Variants in DMD observed in about 807,000 individuals in gnomAD.
The protein encoded by DMD is dystrophin.
A neutral mutation model predicts 330.1 loss-of-function variants in DMD; 63 were observed. The observed-to-expected ratio is 0.19, with a 90% confidence interval of 0.16 to 0.24. DMD has a LOEUF of 0.24. Among genes scored for constraint, DMD ranks in the 10% least tolerant of loss-of-function variants. The pLI is 1.00. For synonymous variants in DMD, 1,223 were observed against 959.8 expected (o/e 1.27, Z -5.07); for missense variants, 3,344 against 2,684.1 (o/e 1.25, Z -5.43).
At chrX:33,108,881 A>AAAAAAAAAAAAG (rs1201118214) in intron 1 of DMD, among the ~76,000 whole-genome samples, 1 of 99,689 alleles carries the variant, frequency 1.0e-5, no homozygotes, top group African/African-American at 3.5e-5. Flanking sequence ...AAAAAAAAAA[A>AAAAAAAAAAAAG]AAGAAGAAGA....
At position 31,975,663 on chromosome X, in the gene DMD, C is replaced by T. The variant is rs376108849; in HGVS notation, c.6439-7149G>A. On this transcript the variant is annotated intron_variant, in intron 44 of 78. Coordinates refer to ENST00000357033, the MANE Select transcript of DMD (RefSeq NM_004006.3). ...ATGTTTCATCGTGGAACATATTGCA[C>T]GTAACTCAAAAAACACTGTCTCAGG... Among the ~76,000 whole-genome samples, 15 of 111,733 alleles carry T rather than the reference C, an allele frequency of 1.3e-4. No individual in the cohort carries two copies. The East Asian group carries it at 3.4e-3, about 25-fold the overall frequency.
At chrX:31,159,932 G>C (rs2038612127) in intron 74 of DMD, among the ~76,000 whole-genome samples, 1 of 112,353 alleles carries the variant, frequency 8.9e-6, no homozygotes. Context: ...TGAGATGAAA[G>C]CTATACCTGC....
intron 2 of DMD, among the ~76,000 whole-genome samples, chrX:32,866,821 T>C (rs891770703): frequency 1.2e-4 from 13 of 107,624 alleles, no homozygotes; most frequent in African/African-American, 4.4e-4. Flanking sequence ...GCAACCTCCG[T>C]CTCCCAGTGT....
intron 47 of DMD, among the ~76,000 whole-genome samples, chrX:31,917,930 C>T (rs1052036734): frequency 8.9e-6 from 1 of 111,911 alleles, no homozygotes; most frequent in African/African-American, 3.3e-5. Flanking sequence ...TGTGAGGAAA[C>T]CAGAGTACTA....
intron 60 of DMD, among the ~76,000 whole-genome samples, chrX:31,371,670 G>C (rs967492999): frequency 9.9e-5 from 11 of 111,303 alleles, no homozygotes; most frequent in Non-Finnish European, 2.1e-4. Flanking sequence ...GCAAATAGCA[G>C]GAAAAACTGT....
chrX:33,099,703 T>C (rs2095217799), intron 1 of DMD, among the ~76,000 whole-genome samples: 2 of 112,084 alleles, frequency 1.8e-5, no homozygotes, highest in South Asian at 7.3e-4. Flanking sequence ...ATGTCGAGAT[T>C]AAGATATTTA....
chrX:31,656,257 A>G (rs1405342024), intron 54 of DMD, among the ~76,000 whole-genome samples: 1 of 112,615 alleles, frequency 8.9e-6, no homozygotes, highest in African/African-American at 3.2e-5. Flanking sequence ...GGAAGTAAGT[A>G]TATGCATTCC....
intron 63 of DMD, among the ~76,000 whole-genome samples, chrX:31,247,089 A>AT (rs1469380597): frequency 8.9e-6 from 1 of 111,841 alleles, no homozygotes; most frequent in African/African-American, 3.3e-5. Flanking sequence ...CTTTCAAAAT[A>AT]TAACTGCTCA....
In DMD at chrX:33,211,505, A is replaced by T. The variant is rs916655740; in HGVS notation, c.-193T>A. The T allele has an allele frequency of 1.8e-6, 2 of 1,088,794 alleles. No individual in the cohort carries two copies. Among genetic ancestry groups the T allele is most frequent in the African/African-American group, 3.8e-5 (2 of 52,782 alleles). The allele number at this position is 1,088,794 out of a possible 1,213,427, so 89.7% of individuals were successfully genotyped here. The stretch of plus-strand genomic sequence containing the variant: ...TCCCAGATCTGAGTCCTGTAGGGGG[A>T]AAGTGAGTGATCCCAACACTGAGTG... On this transcript the variant is annotated 5_prime_UTR_variant, in exon 1 of 79. Coordinates refer to ENST00000357033, the MANE Select transcript of DMD (RefSeq NM_004006.3).
rs1017095349 is a variant in DMD at position 33,046,065 on chromosome X, T to A, written c.32-25865A>T. On this transcript the variant is annotated intron_variant, in intron 1 of 78. Coordinates refer to ENST00000357033, the MANE Select transcript of DMD (RefSeq NM_004006.3). ...CCCACAGACCACATTGGATGTCACATCTCTGTGTGTCCTTGACCTAGAATC... is the reference window on the plus strand; with the variant it reads ...CCCACAGACCACATTGGATGTCACAACTCTGTGTGTCCTTGACCTAGAATC... Among the ~76,000 whole-genome samples, 4 of 111,464 alleles carry A rather than the reference T, an allele frequency of 3.6e-5. No individual in the cohort carries two copies. The Admixed American group carries it at 3.8e-4, about 11-fold the overall frequency.
At chrX:33,331,267 C>T (rs944006767) in intron 1 of DMD, among the ~76,000 whole-genome samples, 1 of 111,684 alleles carries the variant, frequency 9.0e-6, no homozygotes, top group Non-Finnish European at 1.9e-5. Flanking sequence ...TTCCTACTCA[C>T]TAATGTGTCC....
intron 21 of DMD, among the ~76,000 whole-genome samples, chrX:32,474,194 TATAC>T (rs1289516020): frequency 1.6e-3 from 68 of 42,073 alleles, no homozygotes; most frequent in African/African-American, 4.1e-3. Context: ...TTCCATCATA[TATAC>T]ATACATACAT....
intron 7 of DMD, among the ~76,000 whole-genome samples, chrX:32,765,075 A>G (rs2072806042): frequency 9.2e-6 from 1 of 109,259 alleles, no homozygotes; most frequent in South Asian, 4.0e-4. Context: ...TTATCTACTC[A>G]TGGTCTTACT....
In DMD at chrX:32,552,572, G is replaced by T. The variant is rs146642946; in HGVS notation, c.1993-7238C>A. Among the ~76,000 whole-genome samples, 758 of 111,692 alleles carry T rather than the reference G, an allele frequency of 6.8e-3. 8 individuals are homozygous for T. The highest frequency in any genetic ancestry group is 0.023 in the African/African-American group (711 of 30,767). On this transcript the variant is annotated intron_variant, in intron 16 of 78. Transcript: ENST00000357033. ...GAAACAAAAACAAAAATTGAAAACTGGGACCTAATTAAACTAAAGAACTTC... is the reference window on the plus strand; with the variant it reads ...GAAACAAAAACAAAAATTGAAAACTTGGACCTAATTAAACTAAAGAACTTC...
Position 32,190,452 on chromosome X carries a change from G to T in DMD, c.6438+26464C>A, listed in dbSNP as rs768026425. ...GTATAAGCTTAGTGAGTGAATAGTG[G>T]ATAACTTAAAGTTTTATAGTGTATA... On this transcript the variant is annotated intron_variant, in intron 44 of 78. Coordinates refer to ENST00000357033, the MANE Select transcript of DMD (RefSeq NM_004006.3). Among the ~76,000 whole-genome samples the T allele has an allele frequency of 7.6e-5, 8 of 104,649 alleles. No homozygotes were observed. The Admixed American group carries it at 8.4e-4, about 11-fold the overall frequency. The allele number at this position is 104,649 out of a possible 115,157, so 90.9% of individuals were successfully genotyped here.
chrX:32,678,578 CT>C (rs1347522710), intron 9 of DMD, among the ~76,000 whole-genome samples: 1 of 110,362 alleles, frequency 9.1e-6, no homozygotes, highest in African/African-American at 3.3e-5. Flanking sequence ...TTTTAATCTC[CT>C]AAAATCAAAG....
chrX:32,516,224 C>T (rs1248738822), intron 18 of DMD, among the ~76,000 whole-genome samples: 1 of 111,593 alleles, frequency 9.0e-6, no homozygotes, highest in Non-Finnish European at 1.9e-5. Flanking sequence ...TATCCATCAT[C>T]GTAATTATGT....
intron 2 of DMD, among the ~76,000 whole-genome samples, chrX:32,866,510 A>G (rs1307957294): frequency 9.0e-6 from 1 of 110,915 alleles, no homozygotes; most frequent in Non-Finnish European, 1.9e-5. Context: ...TCAAGCTAGA[A>G]ATTATTTTAC....
chrX:32,102,561 TA>T (rs970658244), intron 44 of DMD, among the ~76,000 whole-genome samples: 5 of 111,316 alleles, frequency 4.5e-5, no homozygotes, highest in Middle Eastern at 4.6e-3. Context: ...TATAATATTT[TA>T]AAGTAATAAA....
Sources: gnomAD v4.1 joint callset for allele counts (sites outside exome capture counted in the v4.1 genomes callset) on GRCh38, gnomAD v4.1.1 for gene constraint, MANE v1.5 for transcripts, NCBI Gene and HGNC (gene_info 2026-07-23, HGNC 2026-07-21) for gene names.